The following OPTN variants were observed in gnomAD, a reference collection of about 807,000 sequenced individuals.
The protein encoded by OPTN is optineurin.
OPTN carries 54 observed loss-of-function variants against 70.4 expected under a neutral mutation model. The ratio of observed to expected loss-of-function variants is 0.77; its 90% confidence interval spans 0.62 to 0.96. The LOEUF is 0.96. Among genes scored for constraint, OPTN ranks in the 40% least tolerant of loss-of-function variants. The pLI is 0.00. For synonymous variants in OPTN, 256 were observed against 248.5 expected, an observed-to-expected ratio of 1.03 and a Z score of -0.28; for missense variants, 624 against 673.2, an observed-to-expected ratio of 0.93 and a Z score of 0.81.
chr10:13,108,346 CTAAA>C (rs1832911742), intron 2 of OPTN, 57 bp downstream of exon 2: 1 of 152,176 alleles, frequency 6.6e-6, no homozygotes, highest in African/African-American at 2.4e-5. Context: ...ACACAATAAA[CTAAA>C]TATAGGTTTT....
chr10:13,112,475 T>G lies in OPTN; in HGVS notation c.392T>G (p.Leu131Arg). The G allele has an allele frequency of 6.2e-7, 1 of 1,614,026 alleles. No individual in the cohort carries two copies. Among genetic ancestry groups the G allele is most frequent in the Non-Finnish European group, 8.5e-7 (1 of 1,180,016 alleles). The stretch of plus-strand genomic sequence containing the variant: ...CAGGACCCCACTGATGACTCCAGGC[T>G]TCCCAGGGCCGAAGCGGAGCAGGAA... ...SSEDPTDDSR[L>R]PRAEAEQEKD... The change falls in exon 5 of 15, where the codon CTT becomes CGT. Residue 131 changes from leucine (L) to arginine (R), a missense_variant. Transcript: ENST00000378747.
intron 7 of OPTN, among the ~76,000 whole-genome samples, chr10:13,119,525 GT>G (rs1174986063): frequency 4.6e-5 from 7 of 152,138 alleles, no homozygotes; most frequent in Admixed American, 4.6e-4. Context: ...GTGTGTACAA[GT>G]TTTTACTGGG....
chr10:13,113,115 G>C (rs1364427428), intron 5 of OPTN, among the ~76,000 whole-genome samples: 1 of 152,036 alleles, frequency 6.6e-6, no homozygotes, highest in Non-Finnish European at 1.5e-5. Context: ...TCTGCCTCCG[G>C]GGTTCAAGAG....
rs151319164 is a variant in OPTN at position 13,103,792 on chromosome 10, T to C, written c.-164+3490T>C. ...CAATCAGGAATTGAGATAGCAGATC[T>C]GGGAATAAAATCTAGGGGACTTGCT... On this transcript the variant is annotated intron_variant, in intron 1 of 14. Coordinates refer to ENST00000378747, the MANE Select transcript of OPTN (RefSeq NM_001008212.2). Among the ~76,000 whole-genome samples the C allele has an allele frequency of 3.6e-3, 541 of 151,048 alleles. 4 individuals are homozygous for C. Among genetic ancestry groups the C allele is most frequent in the African/African-American group, 0.012 (492 of 40,954 alleles).
intron 4 of OPTN, among the ~76,000 whole-genome samples, chr10:13,111,689 C>T (rs991266798): frequency 2.6e-5 from 4 of 151,256 alleles, no homozygotes; most frequent in Non-Finnish European, 5.9e-5. Context: ...GAGTGAGACT[C>T]TGTCTGGGAA....
chr10:13,102,716 G>A (rs180951242), intron 1 of OPTN, among the ~76,000 whole-genome samples: 1 of 152,170 alleles, frequency 6.6e-6, no homozygotes, highest in Admixed American at 6.5e-5. Context: ...GCCGAGGTGG[G>A]TGGATCACTT....
rs534926190 is a variant in OPTN at position 13,115,521 on chromosome 10, T to C, written c.553-746T>C. On this transcript the variant is annotated intron_variant, in intron 5 of 14. Transcript: ENST00000378747. ...ATAATATAGAATATATATAATATAT[T>C]CTATAATATATAATATAGAATATAT... Among the ~76,000 whole-genome samples, 350 of 108,188 alleles carry C rather than the reference T, an allele frequency of 3.2e-3. 14 individuals carry two copies. Among genetic ancestry groups the C allele is most frequent in the African/African-American group, 0.013 (319 of 25,268 alleles). The allele number at this position is 108,188 out of a possible 152,430, so 71.0% of individuals were successfully genotyped here.
intron 1 of OPTN, among the ~76,000 whole-genome samples, chr10:13,101,643 G>A (rs537608855): frequency 6.6e-6 from 1 of 152,182 alleles, no homozygotes; most frequent in East Asian, 1.9e-4. Context: ...ATTTCATTTA[G>A]AAAGAAAAAA....
intron 1 of OPTN, among the ~76,000 whole-genome samples, chr10:13,107,448 G>C (rs1363412899): frequency 2.8e-5 from 4 of 140,724 alleles, no homozygotes; most frequent in African/African-American, 1.1e-4. Context: ...GCACGATCTC[G>C]GCTCACTGCA....
At chr10:13,127,672 C>G (rs74120680) in intron 11 of OPTN, 73 bp from the exon 12 acceptor site, 7 of 1,508,920 alleles carry the variant, frequency 4.6e-6, no homozygotes, top group South Asian at 3.5e-5. Flanking sequence ...AAAAATAAAC[C>G]TTTTTCTAAT....
At position 13,134,184 on chromosome 10, in the gene OPTN, T is replaced by G. The variant is rs149181730; in HGVS notation, c.1612+603T>G. Among the ~76,000 whole-genome samples, 7 of 152,324 alleles carry G rather than the reference T, an allele frequency of 4.6e-5. No homozygotes were observed. In the East Asian group the frequency reaches 1.3e-3, roughly 29 times the overall value. On this transcript the variant is annotated intron_variant, in intron 14 of 14. Transcript: ENST00000378747. Reference sequence around the variant, plus strand: ...GCCAGACTGAATCATCCCCTTGAACTTGTCCTAAGCTTGTATTTGCTTGTA... The same window carrying G: ...GCCAGACTGAATCATCCCCTTGAACGTGTCCTAAGCTTGTATTTGCTTGTA...
At chr10:13,119,079 A>G in intron 7 of OPTN, 39 bp downstream of exon 7, 1 of 1,582,932 alleles carries the variant, frequency 6.3e-7, no homozygotes, top group East Asian at 2.2e-5. Context: ...GTTTTTTTAA[A>G]ACAGCTTTCC....
intron 14 of OPTN, among the ~76,000 whole-genome samples, chr10:13,135,084 CAT>C (rs1047758177): frequency 4.6e-5 from 7 of 152,172 alleles, no homozygotes; most frequent in African/African-American, 1.7e-4. Flanking sequence ...AATATTCATA[CAT>C]GTTACTACAT....
chr10:13,128,371 C>G (rs1325022976), intron 12 of OPTN, among the ~76,000 whole-genome samples: 3 of 152,068 alleles, frequency 2.0e-5, no homozygotes, highest in Admixed American at 2.0e-4. Context: ...TTTCCTTTAA[C>G]CACTCTGGAG....
At chr10:13,127,444 T>C (rs983760056) in intron 11 of OPTN, among the ~76,000 whole-genome samples, 10 of 152,080 alleles carry the variant, frequency 6.6e-5, no homozygotes, top group Non-Finnish European at 1.5e-4. Flanking sequence ...TGTTATCACC[T>C]TTTTTTTAGG....
chr10:13,119,568 T>G (rs1833297069), intron 7 of OPTN, among the ~76,000 whole-genome samples: 1 of 152,184 alleles, frequency 6.6e-6, no homozygotes, highest in South Asian at 2.1e-4. Context: ...GGGTATATCG[T>G]TATGGGTGGA....
chr10:13,119,109 C>T, intron 7 of OPTN, 69 bp downstream of exon 7: 1 of 1,365,690 alleles, frequency 7.3e-7, no homozygotes, highest in Non-Finnish European at 1.0e-6. Context: ...ATTAAGATAC[C>T]ATACAGTTCA....
In OPTN at chr10:13,125,427, C is replaced by T; in HGVS notation, c.1008C>T (p.Ala336=). The change falls in exon 10 of 15, where the codon GCC becomes GCT. Residue 336 remains alanine (A), a synonymous_variant. Transcript: ENST00000378747. ...TCTTGACCTTTCTTAGGTGTCAGGC[C>T]CTTGAAAGGAAAAATTCTGCAATTC... ...MKKRLQEKCQ[A]LERKNSAIPS... is the part of the protein sequence containing the mutation. 1 of 1,613,924 alleles carries T rather than the reference C, an allele frequency of 6.2e-7. No individual in the cohort carries two copies. Among genetic ancestry groups the T allele is most frequent in the South Asian group, 1.1e-5 (1 of 91,064 alleles).
rs56147136 is a variant in OPTN, at chr10:13,128,502, CTTTTT to C, written c.1401+627_1401+631del. On this transcript the variant is annotated intron_variant, in intron 12 of 14. Transcript: ENST00000378747. The stretch of plus-strand genomic sequence containing the variant: ...TTGTGAAGTGCCTTATCAAGCCTGC[CTTTTT>C]TTTTTTTTTTTTTTTTTTTTTTTTT... Among the ~76,000 whole-genome samples the C allele has an allele frequency of 4.7e-3, 156 of 33,424 alleles. 5 individuals are homozygous for C. Among genetic ancestry groups the C allele is most frequent in the African/African-American group, 0.024 (143 of 6,080 alleles). 21.9% of individuals were successfully genotyped at this position (33,424 alleles called of 152,430 possible).
Sources: allele counts gnomAD v4.1 joint callset (sites outside exome capture counted in the v4.1 genomes callset), GRCh38; gene constraint gnomAD v4.1.1; transcripts MANE v1.5; gene names NCBI Gene and HGNC (gene_info 2026-07-23, HGNC 2026-07-21).